The following DENND1B variants were observed in gnomAD, a reference collection of about 807,000 sequenced individuals.
The protein encoded by DENND1B is DENN domain containing 1B.
In DENND1B, 59 loss-of-function variants were observed where a neutral mutation model predicts 90.1. The ratio of observed to expected loss-of-function variants is 0.65; its 90% CI spans 0.53 to 0.81. DENND1B has a LOEUF of 0.81. DENND1B is among the 40% of genes least tolerant of loss of function. The pLI, the probability that DENND1B is intolerant of heterozygous loss-of-function variation, is 0.00. For synonymous variants in DENND1B, 337 were observed against 324.6 expected, an observed-to-expected ratio of 1.04 and a Z score of -0.41; for missense variants, 862 against 912.6, an observed-to-expected ratio of 0.94 and a Z score of 0.71.
At chr1:197,696,368 C>T (rs890840069) in intron 3 of DENND1B, among the ~76,000 whole-genome samples, 1 of 151,326 alleles carries the variant, frequency 6.6e-6, no homozygotes, top group African/African-American at 2.4e-5. Context: ...GTAACATATG[C>T]ACTTTTCTAA....
At chr1:197,554,453 A>G (rs1213032631) in intron 15 of DENND1B, among the ~76,000 whole-genome samples, 2 of 152,142 alleles carry the variant, frequency 1.3e-5, no homozygotes, top group Non-Finnish European at 2.9e-5. Flanking sequence ...AGAAACTCAG[A>G]TACTTCCTTG....
chr1:197,672,961 T>C (rs1558385328), intron 4 of DENND1B, among the ~76,000 whole-genome samples: 1 of 152,028 alleles, frequency 6.6e-6, no homozygotes, highest in African/African-American at 2.4e-5. Flanking sequence ...TTTGCTTCCT[T>C]GTCCCAAAAT....
upstream of DENND1B, among the ~76,000 whole-genome samples, chr1:197,778,061 T>C (rs1657343022): frequency 1.3e-5 from 2 of 152,298 alleles, no homozygotes; most frequent in South Asian, 2.1e-4. Flanking sequence ...TTTCAGGTTC[T>C]ACCTTACACA....
chr1:197,549,000 G>T (rs1333850680), intron 16 of DENND1B, among the ~76,000 whole-genome samples: 1 of 152,028 alleles, frequency 6.6e-6, no homozygotes, highest in Non-Finnish European at 1.5e-5. Context: ...ATATTTATGA[G>T]AAAAGTACAT....
the DENND1B span, among the ~76,000 whole-genome samples, chr1:197,781,473 G>A: frequency 5.9e-5 from 9 of 152,198 alleles, no homozygotes; most frequent in South Asian, 1.9e-3. Flanking sequence ...ATTTTATCAG[G>A]ACCTGCCTTT....
chr1:197,580,959 AAACTTCACTTT>A (rs1304326920), intron 15 of DENND1B, among the ~76,000 whole-genome samples: 1 of 152,176 alleles, frequency 6.6e-6, no homozygotes, highest in Non-Finnish European at 1.5e-5. Context: ...ATCAGAAATA[AAACTTCACTTT>A]AACTCTTTCC....
At chr1:197,558,455 C>T (rs1262692744) in intron 15 of DENND1B, among the ~76,000 whole-genome samples, 6 of 151,570 alleles carry the variant, frequency 4.0e-5, no homozygotes, top group East Asian at 3.9e-4. Context: ...TTTTTGCTTT[C>T]GGAGATGACA....
intron 3 of DENND1B, among the ~76,000 whole-genome samples, chr1:197,705,620 G>C (rs1659449277): frequency 6.8e-6 from 1 of 147,074 alleles, no homozygotes; most frequent in Non-Finnish European, 1.5e-5. Context: ...ATGCTCAGAG[G>C]CAGTTTATAA....
chr1:197,582,606 G>A (rs1674340032), intron 15 of DENND1B, among the ~76,000 whole-genome samples: 1 of 152,120 alleles, frequency 6.6e-6, no homozygotes, highest in African/African-American at 2.4e-5. Context: ...TCTGAAATCT[G>A]ATGTCTAGTT....
chr1:197,780,006 C>T (rs1178798669), upstream of DENND1B, among the ~76,000 whole-genome samples: 2 of 152,098 alleles, frequency 1.3e-5, no homozygotes, highest in Non-Finnish European at 2.9e-5. Flanking sequence ...TAATTTACTG[C>T]TGGTAGATGC....
chr1:197,688,390 T>C (rs1233552706), intron 3 of DENND1B, among the ~76,000 whole-genome samples: 1 of 152,048 alleles, frequency 6.6e-6, no homozygotes, highest in Non-Finnish European at 1.5e-5. Flanking sequence ...AGAACAAAGG[T>C]GGAGGCTTCA....
intron 14 of DENND1B, among the ~76,000 whole-genome samples, chr1:197,591,224 A>G (rs1027798701): frequency 1.3e-5 from 2 of 152,204 alleles, no homozygotes; most frequent in African/African-American, 4.8e-5. Flanking sequence ...CTGCTAGAGA[A>G]GAAATGACTA....
In DENND1B at chr1:197,545,981, C is replaced by A. The variant is rs371976914; in HGVS notation, c.1291G>T (p.Ala431Ser). 2.1e-5 allele frequency: 33 copies of A among 1,600,272 alleles called. No individual in the cohort carries two copies. In the African/African-American group the frequency reaches 2.7e-4, roughly 13 times the overall value. ...TTGGTCATTGCTGTGTTGAACAGTGCACCTCCTTTCTGCAAAAGAAAAACA... is the reference window on the plus strand; with the variant it reads ...TTGGTCATTGCTGTGTTGAACAGTGAACCTCCTTTCTGCAAAAGAAAAACA... The part of the protein sequence containing the change: ...QWVHTVKKGG[A>S]LFNTAMTKAT... Residue 431 changes from alanine to serine, a missense_variant, in exon 18 of 23, where the codon GCA becomes TCA. Physicochemically the swap from Ala to Ser is moderately conservative, Grantham distance 99 (BLOSUM62 1). Transcript: ENST00000620048.
chr1:197,629,313 G>T (rs1679098153), intron 10 of DENND1B, among the ~76,000 whole-genome samples: 1 of 152,064 alleles, frequency 6.6e-6, no homozygotes, highest in African/African-American at 2.4e-5. Context: ...TTAAGAAAAT[G>T]TGGCACATAT....
At chr1:197,750,331 C>T (rs796613524) in intron 2 of DENND1B, among the ~76,000 whole-genome samples, 1 of 151,214 alleles carries the variant, frequency 6.6e-6, no homozygotes, top group African/African-American at 2.4e-5. Context: ...CTTAGAGCTA[C>T]TAAAAACAAA....
chr1:197,690,291 A>G, intron 3 of DENND1B: 1 of 220,260 alleles, frequency 4.5e-6, no homozygotes, highest in Non-Finnish European at 9.6e-6. Flanking sequence ...TGCTCACATG[A>G]TTATCTTGAG....
chr1:197,762,779 T>C (rs1655249821), intron 2 of DENND1B, among the ~76,000 whole-genome samples: 1 of 152,170 alleles, frequency 6.6e-6, no homozygotes, highest in Admixed American at 6.6e-5. Flanking sequence ...ATATATATTC[T>C]ACATATAAGT....
chr1:197,671,530 A>C (rs1472310500), intron 5 of DENND1B, among the ~76,000 whole-genome samples: 1 of 152,188 alleles, frequency 6.6e-6, no homozygotes, highest in East Asian at 1.9e-4. Context: ...GGAATTCGAA[A>C]TATGAACTAT....
chr1:197,541,732 T>C (rs1226525102), intron 18 of DENND1B, among the ~76,000 whole-genome samples: 1 of 152,224 alleles, frequency 6.6e-6, no homozygotes, highest in East Asian at 1.9e-4. Flanking sequence ...ATTTATTTTG[T>C]TTCCTAAATA....
Sources: allele counts gnomAD v4.1 joint callset (sites outside exome capture counted in the v4.1 genomes callset), GRCh38; gene constraint gnomAD v4.1.1; transcripts MANE v1.5; gene names NCBI Gene and HGNC (gene_info 2026-07-23, HGNC 2026-07-21).